The following CTNND2 variants were observed in gnomAD, a reference collection of about 807,000 sequenced individuals.
CTNND2 encodes catenin delta 2.
Under a neutral mutation model 144.4 loss-of-function variants are expected in CTNND2, and 22 were observed. The observed-to-expected ratio is 0.15, with a 90% confidence interval of 0.11 to 0.22. CTNND2 has a LOEUF of 0.22. Among genes scored for constraint, CTNND2 ranks in the 10% least tolerant of loss-of-function variants. The probability of loss-of-function intolerance (pLI) is 1.00; values close to 1 mark genes in which losing one functional copy is unlikely to be tolerated. For missense variants in CTNND2, 1,353 were observed against 1,618.8 expected (o/e 0.84, Z 2.82); for synonymous variants, 751 against 695.6 (o/e 1.08, Z -1.25).
At chr5:11,120,222 C>T (rs1172825074) in intron 12 of CTNND2, among the ~76,000 whole-genome samples, 1 of 152,024 alleles carries the variant, frequency 6.6e-6, no homozygotes, top group African/African-American at 2.4e-5. Flanking sequence ...CACACAGCAC[C>T]TATGATATAG....
rs139743085 is a variant in CTNND2, at chr5:11,692,112, C to G, written c.174+40024G>C. 4.2e-3 allele frequency among the ~76,000 whole-genome samples: 636 copies of G among 152,144 alleles called. 5 individuals are homozygous for G. The highest frequency in any genetic ancestry group is 0.015 in the African/African-American group (605 of 41,508). On this transcript the variant is annotated intron_variant, in intron 2 of 21. Coordinates refer to ENST00000304623, the MANE Select transcript of CTNND2 (RefSeq NM_001332.4). ...ATACATCTATTTTTTTCTGAAAGAC[C>G]ATGCAATCATCAAAACACTATTTTG... is the stretch of plus-strand genomic sequence containing the variant.
chr5:11,831,423 C>T (rs1373402529), intron 1 of CTNND2, among the ~76,000 whole-genome samples: 1 of 152,032 alleles, frequency 6.6e-6, no homozygotes, highest in Non-Finnish European at 1.5e-5. Flanking sequence ...AATCCCAGCA[C>T]TTTAGGAGGC....
chr5:10,978,246 C>T (rs1736753507), intron 21 of CTNND2, among the ~76,000 whole-genome samples: 1 of 152,180 alleles, frequency 6.6e-6, no homozygotes, highest in South Asian at 2.1e-4. Context: ...TTGGTTACAC[C>T]TCTATGGCCA....
chr5:11,578,017 C>A (rs1330099042), intron 2 of CTNND2, among the ~76,000 whole-genome samples: 2 of 152,110 alleles, frequency 1.3e-5, no homozygotes, highest in Admixed American at 6.5e-5. Context: ...GCTATGGACA[C>A]CAGTAGATAC....
intron 1 of CTNND2, among the ~76,000 whole-genome samples, chr5:11,807,041 G>A (rs531501478): frequency 1.9e-4 from 29 of 152,104 alleles, no homozygotes; most frequent in South Asian, 1.5e-3. Flanking sequence ...AACATTCTGC[G>A]TCCATTTGCT....
intron 1 of CTNND2, among the ~76,000 whole-genome samples, chr5:11,865,208 A>T (rs1795705541): frequency 6.6e-6 from 1 of 152,044 alleles, no homozygotes; most frequent in Non-Finnish European, 1.5e-5. Flanking sequence ...CTTGTTTTTG[A>T]ATGTGTAAAA....
chr5:11,312,190 ACT>A (rs1751038875), intron 9 of CTNND2, among the ~76,000 whole-genome samples: 4 of 113,192 alleles, frequency 3.5e-5, no homozygotes, highest in Admixed American at 9.0e-5. Context: ...CACTCCCCAT[ACT>A]CACCCCACAT....
intron 11 of CTNND2, among the ~76,000 whole-genome samples, chr5:11,165,518 T>A (rs923046664): frequency 3.3e-5 from 5 of 152,344 alleles, no homozygotes; most frequent in African/African-American, 1.2e-4. Flanking sequence ...GATGAAAATA[T>A]GCTAATTCCT....
intron 16 of CTNND2, among the ~76,000 whole-genome samples, chr5:11,051,762 T>C (rs953023246): frequency 2.0e-5 from 3 of 152,316 alleles, no homozygotes; most frequent in African/African-American, 7.2e-5. Flanking sequence ...TATGTATTGA[T>C]AGTCTGATAT....
At chr5:11,075,901 C>T (rs1377188629) in intron 16 of CTNND2, among the ~76,000 whole-genome samples, 1 of 152,206 alleles carries the variant, frequency 6.6e-6, no homozygotes, top group Non-Finnish European at 1.5e-5. Flanking sequence ...ATCCCTCTAC[C>T]CCTTCCTCTC....
chr5:11,567,895 G>A (rs1247226835), intron 2 of CTNND2, among the ~76,000 whole-genome samples: 2 of 152,154 alleles, frequency 1.3e-5, no homozygotes, highest in Non-Finnish European at 2.9e-5. Context: ...CTTGGGTTCT[G>A]GATAGGTTTG....
chr5:11,498,227 A>G (rs1443985414), intron 3 of CTNND2, among the ~76,000 whole-genome samples: 1 of 151,238 alleles, frequency 6.6e-6, no homozygotes, highest in Non-Finnish European at 1.5e-5. Context: ...ACTAGCCATC[A>G]CTCTCCCCCA....
At chr5:11,021,680 G>A (rs1697902) in intron 17 of CTNND2, among the ~76,000 whole-genome samples, 89,422 of 151,944 alleles carry the variant, frequency 0.59, 27,461 homozygotes, top group African/African-American at 0.76. Context: ...CAGAAACTCC[G>A]AATCTTCTAT....
At chr5:11,199,731 T>C (rs1315699805) in intron 10 of CTNND2, 70 bp from the exon 11 acceptor site, 1 of 1,165,678 alleles carries the variant, frequency 8.6e-7, no homozygotes, top group Non-Finnish European at 1.3e-6. Flanking sequence ...AAACATGTTT[T>C]TCATATAAAG....
At chr5:11,131,657 C>T (rs796485541) in intron 12 of CTNND2, among the ~76,000 whole-genome samples, 18 of 152,098 alleles carry the variant, frequency 1.2e-4, no homozygotes, top group South Asian at 6.2e-4. Flanking sequence ...GGCGTGGTGG[C>T]GGGCGCCTGT....
intron 1 of CTNND2, among the ~76,000 whole-genome samples, chr5:11,760,305 G>T (rs1284878873): frequency 6.6e-6 from 1 of 151,938 alleles, no homozygotes; most frequent in Admixed American, 6.6e-5. Context: ...TGCACCTGTG[G>T]TCATCTATCT....
intron 9 of CTNND2, among the ~76,000 whole-genome samples, chr5:11,266,272 G>C (rs540201291): frequency 6.6e-6 from 1 of 152,278 alleles, no homozygotes; most frequent in East Asian, 1.9e-4. Context: ...TACAGCTTTA[G>C]TTGAGCATGG....
chr5:11,437,517 C>T (rs757880595), intron 3 of CTNND2, among the ~76,000 whole-genome samples: 8 of 152,026 alleles, frequency 5.3e-5, no homozygotes, highest in Admixed American at 2.0e-4. Context: ...GAAATGCCAA[C>T]GGAGAGATGA....
At chr5:11,536,737 G>A (rs1264733802) in intron 3 of CTNND2, among the ~76,000 whole-genome samples, 1 of 151,970 alleles carries the variant, frequency 6.6e-6, no homozygotes, top group Non-Finnish European at 1.5e-5. Context: ...AAGGGTGGGA[G>A]GGGGGTGAGG....
Sources: allele counts gnomAD v4.1 joint callset (sites outside exome capture counted in the v4.1 genomes callset), GRCh38; gene constraint gnomAD v4.1.1; transcripts MANE v1.5; gene names NCBI Gene and HGNC (gene_info 2026-07-23, HGNC 2026-07-21).